BCL2: variants seen among roughly 807,000 people sequenced by gnomAD.
BCL2 encodes the protein apoptosis regulator Bcl-2.
BCL2 carries 1 observed loss-of-function variant against 14.2 expected under a neutral mutation model. The ratio of observed to expected loss-of-function variants is 0.07; its 90% CI spans 0.02 to 0.33. The LOEUF (loss-of-function observed/expected upper bound fraction) is 0.33. BCL2 is among the 10% of genes least tolerant of loss of function. The pLI is 0.99. For synonymous variants in BCL2, 151 were observed against 137.2 expected (o/e 1.10, Z -0.70); for missense variants, 247 against 305.9 (o/e 0.81, Z 1.44).
At chr18:63,247,749 C>A (rs577282991) in intron 2 of BCL2, among the ~76,000 whole-genome samples, 69 of 152,278 alleles carry the variant, frequency 4.5e-4, no homozygotes, top group South Asian at 1.7e-3. Context: ...ACCAAGCCAC[C>A]ATTCCAGTGC....
intron 2 of BCL2, among the ~76,000 whole-genome samples, chr18:63,199,515 GAC>G (rs533320160): frequency 2.8e-5 from 4 of 144,218 alleles, no homozygotes; most frequent in East Asian, 2.1e-4. Flanking sequence ...CAGACACAGA[GAC>G]ACACACAACA....
chr18:63,302,593 C>A, intron 2 of BCL2: 1 of 985,252 alleles, frequency 1.0e-6, no homozygotes, highest in Non-Finnish European at 1.2e-6. Flanking sequence ...CCACTTAAAA[C>A]ATTATTTTTG....
chr18:63,141,976 G>C (rs1016316688), intron 2 of BCL2, among the ~76,000 whole-genome samples: 2 of 152,368 alleles, frequency 1.3e-5, no homozygotes, highest in East Asian at 3.9e-4. Context: ...CCAAAAATGG[G>C]AACTGAAAGC....
In BCL2 at chr18:63,270,142, T is replaced by C. The variant is rs190551758; in HGVS notation, c.585+47940A>G. Among the ~76,000 whole-genome samples, 286 of 134,530 alleles carry C rather than the reference T, an allele frequency of 2.1e-3. 1 individual carries two copies. Among genetic ancestry groups the C allele is most frequent in the African/African-American group, 7.0e-3 (281 of 40,144 alleles). The allele number at this position is 134,530 out of a possible 152,430, so 88.3% of individuals were successfully genotyped here. ...AAAAGCTGACGAGTATTCATATTGC[T>C]AGCAGAATTGTTAACTGTTAACGTC... On this transcript the variant is annotated intron_variant, in intron 2 of 2. Coordinates refer to ENST00000333681, the MANE Select transcript of BCL2 (RefSeq NM_000633.3).
intron 2 of BCL2, among the ~76,000 whole-genome samples, chr18:63,198,770 GACAC>G (rs760947031): frequency 0.026 from 2,666 of 103,606 alleles, 74 homozygotes; most frequent in Middle Eastern, 0.1. Flanking sequence ...CTGACACAGA[GACAC>G]ACAGACACAG....
chr18:63,199,620 G>C (rs1286470407), intron 2 of BCL2, among the ~76,000 whole-genome samples: 1 of 150,586 alleles, frequency 6.6e-6, no homozygotes, highest in Non-Finnish European at 1.5e-5. Context: ...CACATGCACA[G>C]ACACATACAC....
At chr18:63,292,153 A>G (rs771323551) in intron 2 of BCL2, among the ~76,000 whole-genome samples, 1 of 150,860 alleles carries the variant, frequency 6.6e-6, no homozygotes, top group African/African-American at 2.4e-5. Flanking sequence ...CCTACAAAAT[A>G]GTTCACTGGT....
At chr18:63,259,360 C>T (rs1312496202) in intron 2 of BCL2, among the ~76,000 whole-genome samples, 2 of 152,262 alleles carry the variant, frequency 1.3e-5, no homozygotes, top group Non-Finnish European at 2.9e-5. Context: ...AGTTTGCATG[C>T]ACGCAGGGCT....
chr18:63,213,604 T>C (rs1021193345), intron 2 of BCL2, among the ~76,000 whole-genome samples: 1 of 151,060 alleles, frequency 6.6e-6, no homozygotes, highest in Non-Finnish European at 1.5e-5. Flanking sequence ...TGAGGCATTG[T>C]CTAATCCACA....
intron 2 of BCL2, among the ~76,000 whole-genome samples, chr18:63,181,740 C>T (rs1473763851): frequency 1.3e-5 from 2 of 152,186 alleles, no homozygotes; most frequent in East Asian, 1.9e-4. Flanking sequence ...TACGATTTGA[C>T]GTCTCTGTTT....
At chr18:63,311,016 T>C (rs559839002) in intron 2 of BCL2, among the ~76,000 whole-genome samples, 3 of 152,128 alleles carry the variant, frequency 2.0e-5, no homozygotes, top group Admixed American at 1.3e-4. Context: ...TGCCATCCTT[T>C]ATGGACTCGC....
intron 2 of BCL2, among the ~76,000 whole-genome samples, chr18:63,283,302 G>A (rs973807747): frequency 2.6e-5 from 4 of 152,122 alleles, no homozygotes; most frequent in African/African-American, 4.8e-5. Flanking sequence ...TCACCTCTAC[G>A]GGTCTTTGGT....
intron 2 of BCL2, among the ~76,000 whole-genome samples, chr18:63,203,262 A>C (rs1909750444): frequency 6.6e-6 from 1 of 152,212 alleles, no homozygotes; most frequent in Non-Finnish European, 1.5e-5. Context: ...TGAAGTCTGA[A>C]AGCAAGACCC....
At chr18:63,247,286 C>T (rs762992610) in intron 2 of BCL2, among the ~76,000 whole-genome samples, 46 of 151,836 alleles carry the variant, frequency 3.0e-4, no homozygotes, top group Non-Finnish European at 5.6e-4. Context: ...GCAACCTCCC[C>T]CTCCCAAGTT....
At chr18:63,304,320 A>G (rs1036181401) in intron 2 of BCL2, among the ~76,000 whole-genome samples, 1 of 152,292 alleles carries the variant, frequency 6.6e-6, no homozygotes, top group East Asian at 1.9e-4. Context: ...ATTTATAAAT[A>G]TTTGTTGATT....
intron 2 of BCL2, among the ~76,000 whole-genome samples, chr18:63,214,262 AG>A (rs1229911687): frequency 6.6e-6 from 1 of 152,230 alleles, no homozygotes; most frequent in East Asian, 1.9e-4. Context: ...GAATTGGAGG[AG>A]GACACCCAGT....
At chr18:63,203,705 C>A (rs1307862693) in intron 2 of BCL2, among the ~76,000 whole-genome samples, 1 of 151,756 alleles carries the variant, frequency 6.6e-6, no homozygotes, top group South Asian at 2.1e-4. Context: ...CACACACATA[C>A]ACACACATAA....
At chr18:63,270,968 T>C (rs1022954715) in intron 2 of BCL2, among the ~76,000 whole-genome samples, 2 of 152,114 alleles carry the variant, frequency 1.3e-5, no homozygotes, top group African/African-American at 4.8e-5. Flanking sequence ...TACAGGCATG[T>C]GGCCACCACA....
chr18:63,260,956 C>A (rs1365287749), intron 2 of BCL2, among the ~76,000 whole-genome samples: 1 of 152,070 alleles, frequency 6.6e-6, no homozygotes, highest in African/African-American at 2.4e-5. Context: ...ATCACTTTTC[C>A]ACAAAGAATT....
Sources: allele counts gnomAD v4.1 joint callset (sites outside exome capture counted in the v4.1 genomes callset), GRCh38; gene constraint gnomAD v4.1.1; transcripts MANE v1.5; gene names NCBI Gene and HGNC (gene_info 2026-07-23, HGNC 2026-07-21).